MYRIP: variants seen among roughly 807,000 people sequenced by gnomAD.
MYRIP encodes rab effector MyRIP.
A neutral mutation model predicts 98.0 loss-of-function variants in MYRIP; 49 were observed. The observed-to-expected ratio is 0.50, with a 90% CI of 0.40 to 0.63. The LOEUF (loss-of-function observed/expected upper bound fraction) is 0.63. MYRIP is among the 30% of genes least tolerant of loss of function. MYRIP has a pLI of 0.00. For synonymous variants in MYRIP, 404 were observed against 409.5 expected, an observed-to-expected ratio of 0.99 and a Z score of 0.16; for missense variants, 1,004 against 1,058.2, an observed-to-expected ratio of 0.95 and a Z score of 0.71.
chr3:39,958,792 C>T (rs2125729124), intron 2 of MYRIP, among the ~76,000 whole-genome samples: 1 of 152,250 alleles, frequency 6.6e-6, no homozygotes, highest in Middle Eastern at 3.4e-3. Flanking sequence ...TGACAAAGGG[C>T]TAATATCCAG....
chr3:40,216,624 C>T (rs1480377273), intron 11 of MYRIP, among the ~76,000 whole-genome samples: 1 of 152,132 alleles, frequency 6.6e-6, no homozygotes, highest in East Asian at 1.9e-4. Context: ...CTGTTATACT[C>T]ATTTAGTAAG....
intron 11 of MYRIP, among the ~76,000 whole-genome samples, chr3:40,216,249 G>A (rs536916018): frequency 6.6e-6 from 1 of 152,270 alleles, no homozygotes; most frequent in African/African-American, 2.4e-5. Context: ...AAGAAAGAAA[G>A]GCAGAGTTAC....
At chr3:39,964,292 G>T (rs1015619264) in intron 2 of MYRIP, among the ~76,000 whole-genome samples, 2 of 152,136 alleles carry the variant, frequency 1.3e-5, no homozygotes, top group Admixed American at 6.6e-5. Flanking sequence ...AGTTTTAAAT[G>T]GTATACATGA....
intron 2 of MYRIP, among the ~76,000 whole-genome samples, chr3:40,037,281 T>A (rs1388285469): frequency 2.0e-5 from 3 of 152,128 alleles, no homozygotes; most frequent in African/African-American, 7.2e-5. Flanking sequence ...AGATAAGATG[T>A]TAATTTACAC....
At chr3:40,176,921 A>AG (rs375005703) in intron 8 of MYRIP, among the ~76,000 whole-genome samples, 21,509 of 145,038 alleles carry the variant, frequency 0.15, 2,238 homozygotes, top group South Asian at 0.23. Context: ...AAAAAAAAAA[A>AG]AAAAGAAAAG....
At position 40,045,444 on chromosome 3, in the gene MYRIP, G is replaced by A. The variant is rs574306492; in HGVS notation, c.332+1173G>A. 2.1e-3 allele frequency among the ~76,000 whole-genome samples: 327 copies of A among 152,282 alleles called. 1 individual carries two copies. The highest frequency in any genetic ancestry group is 7.5e-3 in the African/African-American group (310 of 41,548). The stretch of plus-strand genomic sequence containing the variant: ...GTCTCCACATGGCAGCTTGAAAGGG[G>A]GAGGAAAAGCCCTGCAACAACAAAG... On this transcript the variant is annotated intron_variant, in intron 3 of 16. Transcript: ENST00000302541.
chr3:39,847,981 T>G (rs779408662), intron 1 of MYRIP, among the ~76,000 whole-genome samples: 2 of 152,214 alleles, frequency 1.3e-5, no homozygotes, highest in African/African-American at 4.8e-5. Flanking sequence ...ATACTCATCG[T>G]AAGCACCTTC....
At chr3:40,043,529 G>A (rs752469502) in intron 2 of MYRIP, among the ~76,000 whole-genome samples, 6 of 151,982 alleles carry the variant, frequency 3.9e-5, no homozygotes, top group African/African-American at 1.5e-4. Flanking sequence ...CCAGTGCCTC[G>A]ATCTGCCCAT....
chr3:39,891,188 T>A (rs1943478132), intron 1 of MYRIP, among the ~76,000 whole-genome samples: 1 of 152,026 alleles, frequency 6.6e-6, no homozygotes, highest in Non-Finnish European at 1.5e-5. Context: ...ATCAGCCTGT[T>A]TTTTTTTAAG....
intron 1 of MYRIP, among the ~76,000 whole-genome samples, chr3:39,852,660 C>T (rs1383719835): frequency 6.6e-6 from 1 of 152,092 alleles, no homozygotes; most frequent in African/African-American, 2.4e-5. Context: ...TGAGTTACGT[C>T]ACTTAGAATA....
intron 1 of MYRIP, among the ~76,000 whole-genome samples, chr3:39,830,403 A>G (rs895966403): frequency 6.6e-6 from 1 of 151,830 alleles, no homozygotes; most frequent in Non-Finnish European, 1.5e-5. Flanking sequence ...TAGTCCTTGT[A>G]CTCTCTTATT....
chr3:39,918,292 T>C (rs188536104), intron 2 of MYRIP, among the ~76,000 whole-genome samples: 108 of 152,332 alleles, frequency 7.1e-4, no homozygotes, highest in Admixed American at 2.4e-3. Context: ...CTATATTTAA[T>C]CATATTTTCT....
intron 16 of MYRIP, among the ~76,000 whole-genome samples, chr3:40,257,712 C>T (rs1182793498): frequency 6.6e-6 from 1 of 152,108 alleles, no homozygotes; most frequent in Non-Finnish European, 1.5e-5. Flanking sequence ...ATTTTCCTCC[C>T]AGATTTTAAG....
At chr3:40,155,753 C>A (rs1950220528) in intron 4 of MYRIP, among the ~76,000 whole-genome samples, 3 of 151,996 alleles carry the variant, frequency 2.0e-5, no homozygotes, top group South Asian at 4.2e-4. Flanking sequence ...TGATGGCGAG[C>A]ATTTTTTCAT....
chr3:39,966,778 C>G (rs116388685), intron 2 of MYRIP, among the ~76,000 whole-genome samples: 1 of 152,302 alleles, frequency 6.6e-6, no homozygotes, highest in Non-Finnish European at 1.5e-5. Flanking sequence ...AAATACGGTA[C>G]CCTGATTGTG....
intron 3 of MYRIP, among the ~76,000 whole-genome samples, chr3:40,091,653 A>C (rs1948739318): frequency 6.6e-6 from 1 of 152,190 alleles, no homozygotes; most frequent in African/African-American, 2.4e-5. Context: ...CTTGTGTTGT[A>C]TCTGAAATAC....
At chr3:40,070,639 T>C (rs1365573165) in intron 3 of MYRIP, among the ~76,000 whole-genome samples, 1 of 152,106 alleles carries the variant, frequency 6.6e-6, no homozygotes, top group East Asian at 1.9e-4. Flanking sequence ...TATTGTGAAT[T>C]GTGTGTGCGA....
chr3:40,174,549 C>T (rs536320604), intron 8 of MYRIP: 1 of 152,330 alleles, frequency 6.6e-6, no homozygotes, highest in Non-Finnish European at 1.5e-5. Context: ...ATTATCAGCG[C>T]CTTCATGATT....
intron 1 of MYRIP, among the ~76,000 whole-genome samples, chr3:39,827,350 C>T (rs920551529): frequency 2.1e-4 from 32 of 152,132 alleles, no homozygotes; most frequent in Non-Finnish European, 3.7e-4. Context: ...TAGGCTCAAG[C>T]GATCCTCCCA....
Sources: allele counts gnomAD v4.1 joint callset (sites outside exome capture counted in the v4.1 genomes callset), GRCh38; gene constraint gnomAD v4.1.1; transcripts MANE v1.5; gene names NCBI Gene and HGNC (gene_info 2026-07-23, HGNC 2026-07-21).